STAT3: variants seen among roughly 807,000 people sequenced by gnomAD.
STAT3 encodes the protein signal transducer and activator of transcription 3, also known as DNA-binding protein APRF.
In STAT3, 7 loss-of-function variants were observed where a neutral mutation model predicts 114.3. The ratio of observed to expected loss-of-function variants is 0.06; its 90% CI spans 0.03 to 0.11. The LOEUF is 0.11. Among genes scored for constraint, STAT3 ranks in the 10% least tolerant of loss-of-function variants. The probability of loss-of-function intolerance (pLI) is 1.00; values close to 1 mark genes in which losing one functional copy is unlikely to be tolerated. For synonymous variants in STAT3, 331 were observed against 354.5 expected, an observed-to-expected ratio of 0.93 and a Z score of 0.74; for missense variants, 364 against 960.9, an observed-to-expected ratio of 0.38 and a Z score of 8.21.
chr17:42,369,088 A>T (rs571416804), intron 1 of STAT3, among the ~76,000 whole-genome samples: 1 of 152,260 alleles, frequency 6.6e-6, no homozygotes, highest in South Asian at 2.1e-4. Context: ...TCAGCCGAGC[A>T]CGGTGGCTCA....
chr17:42,346,460 A>G (rs2082704899), intron 3 of STAT3, 109 bp downstream of exon 3: 35 of 1,504,010 alleles, frequency 2.3e-5, no homozygotes, highest in Non-Finnish European at 3.2e-5. Flanking sequence ...AAAATACAAG[A>G]TAGATTCTCG....
At position 42,313,379 on chromosome 17, in the gene STAT3, C is replaced by CAAAAAAAAAAAAAAAAAAAAAAACAA. The variant is rs397857989; in HGVS notation, c.*2365_*2366insTTGTTTTTTTTTTTTTTTTTTTTTTT. 1 of 83,024 alleles carries CAAAAAAAAAAAAAAAAAAAAAAACAA rather than the reference C, an allele frequency of 1.2e-5. No individual in the cohort carries two copies. The highest frequency in any genetic ancestry group is 2.2e-5 in the Non-Finnish European group (1 of 44,918). The allele number at this position is 83,024 out of a possible 1,614,324, so 5.1% of individuals were successfully genotyped here. A position where few individuals can be genotyped will look rare whatever the true frequency, so the allele number is the denominator to read the frequency against. ...AGTTAAAGTAGATACAGCAATATAC[C>CAAAAAAAAAAAAAAAAAAAAAAACAA]AAAAAAAAAAAAAAAAAAAAAAGAC... On this transcript the variant is annotated 3_prime_UTR_variant, in exon 24 of 24. Transcript: ENST00000264657.
chr17:42,333,837 G>T lies in STAT3; in HGVS notation c.956+54C>A. On this transcript the variant is annotated intron_variant, in intron 9 of 23. Transcript: ENST00000264657. This position sits in a 1 kb window ranked among gnomAD's most constrained non-coding sequence, Gnocchi z 5.2. ...GTCAGCCCGCCTCTCACTCTACCAC[G>T]TGAGTCTTTAGGTATTTTTTAGATG... 1 of 1,614,050 alleles carries T rather than the reference G, an allele frequency of 6.2e-7. No homozygotes were observed. The highest frequency in any genetic ancestry group is 8.5e-7 in the Non-Finnish European group (1 of 1,179,938).
intron 21 of STAT3, among the ~76,000 whole-genome samples, chr17:42,318,496 A>C (rs945731823): frequency 6.6e-6 from 1 of 152,128 alleles, no homozygotes; most frequent in Non-Finnish European, 1.5e-5. Context: ...CAAGGTGCCA[A>C]TTTTCTATGA....
At chr17:42,360,852 C>T (rs1292516118) in intron 1 of STAT3, among the ~76,000 whole-genome samples, 1 of 152,116 alleles carries the variant, frequency 6.6e-6, no homozygotes, top group Non-Finnish European at 1.5e-5. Flanking sequence ...CAACCAAACA[C>T]ATCCAGGGAG....
At chr17:42,318,045 C>T (rs139573330) in intron 21 of STAT3, among the ~76,000 whole-genome samples, 1 of 152,134 alleles carries the variant, frequency 6.6e-6, no homozygotes, top group East Asian at 1.9e-4. Context: ...CTCCTACTCC[C>T]AGGTCAAAAC....
intron 1 of STAT3, among the ~76,000 whole-genome samples, chr17:42,354,394 T>C (rs1598460649): frequency 6.7e-6 from 1 of 149,292 alleles, no homozygotes; most frequent in Non-Finnish European, 1.5e-5. Flanking sequence ...GGTCTCAAAC[T>C]CCTGACCTCG....
rs897097447 is a variant in STAT3, at chr17:42,343,609, C to T, written c.372+1950G>A. 3.3e-5 allele frequency among the ~76,000 whole-genome samples: 5 copies of T among 152,010 alleles called. No individual in the cohort carries two copies. The East Asian group carries it at 9.6e-4, about 29-fold the overall frequency. On this transcript the variant is annotated intron_variant, in intron 4 of 23. Coordinates refer to ENST00000264657, the MANE Select transcript of STAT3 (RefSeq NM_139276.3). ...AGCTGGGACTACAGGCGCGTACCAC[C>T]ACACCCAGCTAATTTTTGTATTTTT...
At chr17:42,342,176 T>C (rs768382445) in intron 4 of STAT3, among the ~76,000 whole-genome samples, 20 of 152,018 alleles carry the variant, frequency 1.3e-4, no homozygotes, top group Admixed American at 6.6e-4. Flanking sequence ...AGCATATCAG[T>C]TTTCTGCTTA....
intron 5 of STAT3, 50 bp downstream of exon 5, chr17:42,339,264 A>AG (rs771264126): frequency 1.3e-6 from 2 of 1,596,050 alleles, no homozygotes; most frequent in South Asian, 2.2e-5. Context: ...TCAAAAAAAA[A>AG]AAAAAAAATT....
intron 14 of STAT3, among the ~76,000 whole-genome samples, chr17:42,326,476 C>G (rs1277227802): frequency 6.6e-6 from 1 of 151,540 alleles, no homozygotes; most frequent in African/African-American, 2.4e-5. Context: ...CCACTGCACT[C>G]TAGCTGGGGT....
chr17:42,376,067 C>T (rs1201337421), intron 1 of STAT3, among the ~76,000 whole-genome samples: 1 of 151,594 alleles, frequency 6.6e-6, no homozygotes, highest in African/African-American at 2.4e-5. Flanking sequence ...AGGAGAATTG[C>T]TGGAACCTGG....
chr17:42,364,642 C>T (rs558858683), intron 1 of STAT3, among the ~76,000 whole-genome samples: 2 of 152,300 alleles, frequency 1.3e-5, no homozygotes, highest in South Asian at 4.1e-4. Flanking sequence ...GCCACCACAC[C>T]TGGCTAATTT....
intron 8 of STAT3, among the ~76,000 whole-genome samples, chr17:42,336,197 T>C (rs1158667938): frequency 6.6e-6 from 1 of 152,164 alleles, no homozygotes; most frequent in African/African-American, 2.4e-5. Context: ...AAGTTTCTCC[T>C]AAGGCAAGCT....
chr17:42,374,053 A>C (rs2084317499), intron 1 of STAT3: 3 of 152,214 alleles, frequency 2.0e-5, no homozygotes, highest in Non-Finnish European at 4.4e-5. Flanking sequence ...TAGAAAACTA[A>C]GTGACCTCAT....
At chr17:42,387,164 C>T (rs1324026436) in intron 1 of STAT3, 2 of 152,196 alleles carry the variant, frequency 1.3e-5, no homozygotes, top group African/African-American at 4.8e-5. Flanking sequence ...ACACTATACA[C>T]ATTTTTAATT....
intron 21 of STAT3, among the ~76,000 whole-genome samples, chr17:42,320,514 G>A (rs1321020757): frequency 6.6e-6 from 1 of 152,168 alleles, no homozygotes; most frequent in East Asian, 1.9e-4. Context: ...CAGATCACCT[G>A]AGGTCAGGAG....
At chr17:42,365,821 A>G (rs913012158) in intron 1 of STAT3, among the ~76,000 whole-genome samples, 2 of 151,716 alleles carry the variant, frequency 1.3e-5, no homozygotes, top group Non-Finnish European at 2.9e-5. Flanking sequence ...ACGCCTGGCT[A>G]ATTTTTGTAT....
intron 1 of STAT3, among the ~76,000 whole-genome samples, chr17:42,385,483 T>C (rs1567765589): frequency 6.9e-6 from 1 of 145,966 alleles, no homozygotes; most frequent in Non-Finnish European, 1.5e-5. Flanking sequence ...CACTCCAGCC[T>C]GGGTGATAGA....
Sources: gnomAD v4.1 joint callset for allele counts (sites outside exome capture counted in the v4.1 genomes callset) on GRCh38, gnomAD v4.1.1 for gene constraint, Gnocchi (gnomAD v3.1) non-coding constraint, MANE v1.5 for transcripts, NCBI Gene and HGNC (gene_info 2026-07-23, HGNC 2026-07-21) for gene names.